COG5: variants seen among roughly 807,000 people sequenced by gnomAD.
COG5 encodes the protein component of oligomeric golgi complex 5.
A neutral mutation model predicts 110.4 loss-of-function variants in COG5; 86 were observed. The observed-to-expected ratio is 0.78, with a 90% CI of 0.65 to 0.93. COG5 has a LOEUF of 0.93. Among genes scored for constraint, COG5 ranks in the 40% least tolerant of loss-of-function variants. The pLI, the probability that COG5 is intolerant of heterozygous loss-of-function variation, is 0.00. For synonymous variants in COG5, 360 were observed against 334.6 expected (o/e 1.08, Z -0.83); for missense variants, 1,077 against 987.0 (o/e 1.09, Z -1.22).
At chr7:107,247,150 T>C (rs912082605) in intron 17 of COG5, among the ~76,000 whole-genome samples, 2 of 152,234 alleles carry the variant, frequency 1.3e-5, no homozygotes, top group Admixed American at 1.3e-4. Context: ...TTCTCACTTA[T>C]AAGTGGGATC....
At chr7:107,381,126 T>C in intron 7 of COG5, among the ~76,000 whole-genome samples, 1 of 147,176 alleles carries the variant, frequency 6.8e-6, no homozygotes, top group East Asian at 1.9e-4. Context: ...TTTGCTTCTT[T>C]AAAATTTCTG....
chr7:107,428,054 G>C (rs775901495), intron 6 of COG5, among the ~76,000 whole-genome samples: 3 of 152,054 alleles, frequency 2.0e-5, no homozygotes, highest in Admixed American at 6.5e-5. Context: ...AGGTGGGCTC[G>C]ACAGTATAAA....
At chr7:107,231,059 A>C (rs1346902736) in intron 18 of COG5, among the ~76,000 whole-genome samples, 2 of 152,188 alleles carry the variant, frequency 1.3e-5, no homozygotes, top group Non-Finnish European at 2.9e-5. Flanking sequence ...AAATGATGAC[A>C]ATTTTTATCA....
At chr7:107,459,192 T>C (rs28410326) in intron 6 of COG5, among the ~76,000 whole-genome samples, 65,670 of 151,758 alleles carry the variant, frequency 0.43, 14,767 homozygotes, top group Non-Finnish European at 0.5. Flanking sequence ...CAAACCATTA[T>C]TATCAACAGA....
chr7:107,528,671 T>G (rs1321041510), intron 5 of COG5, among the ~76,000 whole-genome samples: 1 of 152,176 alleles, frequency 6.6e-6, no homozygotes, highest in Admixed American at 6.6e-5. Flanking sequence ...CATTCCATAC[T>G]GCTGCATCAC....
intron 7 of COG5, among the ~76,000 whole-genome samples, chr7:107,379,686 C>T (rs1027989020): frequency 4.0e-5 from 6 of 151,244 alleles, no homozygotes; most frequent in African/African-American, 4.9e-5. Flanking sequence ...GACAAAGAAG[C>T]GCATTACATA....
intron 7 of COG5, among the ~76,000 whole-genome samples, chr7:107,382,651 C>T (rs1039134186): frequency 3.1e-4 from 47 of 152,056 alleles, no homozygotes; most frequent in Non-Finnish European, 5.3e-4. Flanking sequence ...GTTGGCCAGG[C>T]TTGTCTTGAA....
At chr7:107,414,706 T>C (rs924767865) in intron 6 of COG5, among the ~76,000 whole-genome samples, 1 of 33,122 alleles carries the variant, frequency 3.0e-5, no homozygotes, top group Non-Finnish European at 5.0e-5. Flanking sequence ...ACTGTCCCTT[T>C]TTTTTTTTTT....
chr7:107,508,417 G>A (rs538585733), intron 6 of COG5, among the ~76,000 whole-genome samples: 3 of 152,330 alleles, frequency 2.0e-5, no homozygotes, highest in South Asian at 2.1e-4. Flanking sequence ...ACAGCTCAAG[G>A]AGGCCTGCCT....
chr7:107,270,243 T>C (rs1161279989), intron 14 of COG5, among the ~76,000 whole-genome samples: 1 of 149,620 alleles, frequency 6.7e-6, no homozygotes, highest in Admixed American at 6.7e-5. Flanking sequence ...TTAGCAAAGA[T>C]AGTACTCACA....
chr7:107,428,535 C>T (rs1358455241), intron 6 of COG5, among the ~76,000 whole-genome samples: 2 of 152,136 alleles, frequency 1.3e-5, no homozygotes, highest in Non-Finnish European at 2.9e-5. Flanking sequence ...AGGATTCCTC[C>T]CCTAGAGCCT....
chr7:107,371,144 C>G lies in COG5; in HGVS notation c.835+1451G>C, dbSNP rs934525044. On this transcript the variant is annotated intron_variant, in intron 8 of 21. Coordinates refer to ENST00000297135, the MANE Select transcript of COG5 (RefSeq NM_006348.5). The stretch of plus-strand genomic sequence containing the variant: ...GCAAGTTCTTTACAAAGATCTCTTT[C>G]TGGAATAGTTTCAATACAAACCTAT... Among the ~76,000 whole-genome samples, 8 of 152,270 alleles carry G rather than the reference C, an allele frequency of 5.3e-5. No homozygotes were observed. The East Asian group carries it at 1.5e-3, about 29-fold the overall frequency.
At chr7:107,528,847 C>A (rs1437078398) in intron 5 of COG5, among the ~76,000 whole-genome samples, 1 of 152,004 alleles carries the variant, frequency 6.6e-6, no homozygotes, top group Non-Finnish European at 1.5e-5. Flanking sequence ...AATACATACA[C>A]CAGAGCCACA....
At chr7:107,393,476 A>ATTTTATTT (rs1199141055) in intron 7 of COG5, among the ~76,000 whole-genome samples, 1 of 152,196 alleles carries the variant, frequency 6.6e-6, no homozygotes, top group Non-Finnish European at 1.5e-5. Context: ...AGACCTACTG[A>ATTTTATTT]TTTTATTTTG....
intron 19 of COG5, among the ~76,000 whole-genome samples, chr7:107,225,769 A>C (rs1800288493): frequency 6.6e-6 from 1 of 152,226 alleles, no homozygotes. Flanking sequence ...TCGGCTGGGC[A>C]TGGTGGCTCT....
chr7:107,362,137 G>A (rs781631914), intron 9 of COG5, 27 bp from the exon 10 acceptor site: 6 of 1,556,670 alleles, frequency 3.9e-6, no homozygotes, highest in Non-Finnish European at 4.4e-6. Flanking sequence ...GTAAAGCTTA[G>A]GCAATAGAAA....
intron 10 of COG5, among the ~76,000 whole-genome samples, chr7:107,351,333 T>C (rs1812114644): frequency 6.6e-6 from 1 of 152,174 alleles, no homozygotes; most frequent in South Asian, 2.1e-4. Context: ...GACTTACATG[T>C]TAGACCTAAA....
intron 21 of COG5, chr7:107,209,719 G>T: frequency 1.5e-6 from 1 of 680,944 alleles, no homozygotes; most frequent in Non-Finnish European, 1.8e-6. Flanking sequence ...GCCATATCTC[G>T]GCTTACTTCG....
intron 6 of COG5, among the ~76,000 whole-genome samples, chr7:107,418,864 T>A (rs1793072515): frequency 6.6e-6 from 1 of 151,974 alleles, no homozygotes. Context: ...AACCTCCGCC[T>A]CCGGGGTTCA....
Sources: gnomAD v4.1 joint callset for allele counts (sites outside exome capture counted in the v4.1 genomes callset) on GRCh38, gnomAD v4.1.1 for gene constraint, MANE v1.5 for transcripts, NCBI Gene and HGNC (gene_info 2026-07-23, HGNC 2026-07-21) for gene names.